Variants in ENPP2 observed in about 807,000 individuals in gnomAD.
ENPP2 encodes autotaxin.
In ENPP2, 51 loss-of-function variants were observed where a neutral mutation model predicts 120.2. That is an observed-to-expected ratio of 0.42 (90% CI 0.34 to 0.54). The LOEUF is 0.54. Among genes scored for constraint, ENPP2 ranks in the 20% least tolerant of loss-of-function variants. The pLI, the probability that ENPP2 is intolerant of heterozygous loss-of-function variation, is 0.04. For synonymous variants in ENPP2, 365 were observed against 366.4 expected (o/e 1.00, Z 0.04); for missense variants, 920 against 1,066.5 (o/e 0.86, Z 1.91).
At position 119,668,990 on chromosome 8, in the gene ENPP2, C is replaced by G. The variant is rs1587598764; in HGVS notation, c.21+4262G>C. Among the ~76,000 whole-genome samples the G allele has an allele frequency of 2.0e-5, 3 of 152,140 alleles. No individual in the cohort carries two copies. In the South Asian group the frequency reaches 6.2e-4, roughly 32 times the overall value. On this transcript the variant is annotated intron_variant, in intron 1 of 25. Transcript: ENST00000427067. ...GATCCATGCATAAGACTTTTTATAT[C>G]CATCTCTGCACACATACACCCCAAA...
intron 11 of ENPP2, among the ~76,000 whole-genome samples, chr8:119,600,093 G>T (rs1050712596): frequency 1.3e-5 from 2 of 151,606 alleles, no homozygotes; most frequent in African/African-American, 2.4e-5. Flanking sequence ...ATGTTACTTT[G>T]GGGGGGTGAT....
intron 1 of ENPP2, among the ~76,000 whole-genome samples, chr8:119,644,215 A>G (rs996723463): frequency 5.9e-5 from 9 of 152,080 alleles, no homozygotes; most frequent in Non-Finnish European, 5.9e-5. Flanking sequence ...GAGGGAGTCA[A>G]GAATGGATAT....
At chr8:119,638,578 T>G (rs750757339) in intron 1 of ENPP2, 51 bp from the exon 2 acceptor site, 1 of 1,173,630 alleles carries the variant, frequency 8.5e-7, no homozygotes, top group East Asian at 2.3e-5. Flanking sequence ...GAAGACTAAA[T>G]CAAATTACAC....
chr8:119,658,987 C>T (rs1489258291), intron 1 of ENPP2, among the ~76,000 whole-genome samples: 1 of 152,140 alleles, frequency 6.6e-6, no homozygotes, highest in Non-Finnish European at 1.5e-5. Flanking sequence ...CTGGGCCCTT[C>T]TACCTCCATC....
At chr8:119,575,365 C>A (rs1812261599) in intron 19 of ENPP2, among the ~76,000 whole-genome samples, 1 of 151,976 alleles carries the variant, frequency 6.6e-6, no homozygotes, top group Admixed American at 6.6e-5. Context: ...CCGGCAGGAA[C>A]TCTGCCCGAG....
intron 18 of ENPP2, among the ~76,000 whole-genome samples, chr8:119,581,671 C>A (rs1812746625): frequency 1.3e-5 from 2 of 152,092 alleles, no homozygotes; most frequent in South Asian, 4.2e-4. Context: ...CGTCACTCCT[C>A]ATTGAATTCC....
At chr8:119,589,853 A>G (rs1303582825) in intron 13 of ENPP2, among the ~76,000 whole-genome samples, 1 of 152,200 alleles carries the variant, frequency 6.6e-6, no homozygotes, top group Non-Finnish European at 1.5e-5. Context: ...GACAGCACCT[A>G]AAAATCTTAG....
chr8:119,588,528 CAAAAAAAAAAAAAAAA>C lies in ENPP2; in HGVS notation c.1208-1469_1208-1454del, dbSNP rs58771451. On this transcript the variant is annotated intron_variant, in intron 13 of 24. Transcript: ENST00000075322. ...TGGGCGACAGAACAAAACTCCGCCT[CAAAAAAAAAAAAAAAA>C]AAAAAAAAGAGCTTTGCAGGCACTT... Among the ~76,000 whole-genome samples, 432 of 68,206 alleles carry C rather than the reference CAAAAAAAAAAAAAAAA, an allele frequency of 6.3e-3. 3 individuals are homozygous for C. Among genetic ancestry groups the C allele is most frequent in the South Asian group, 0.039 (72 of 1,842 alleles). The allele number at this position is 68,206 out of a possible 152,430, so 44.7% of individuals were successfully genotyped here. A position where few individuals can be genotyped will look rare whatever the true frequency, so the allele number is the denominator to read the frequency against.
upstream of ENPP2, among the ~76,000 whole-genome samples, chr8:119,639,199 G>C (rs1817186234): frequency 3.3e-5 from 5 of 152,180 alleles, no homozygotes. Context: ...CTTTCCACCA[G>C]CTTTAAGCTT....
chr8:119,664,268 G>A (rs1289923066), intron 1 of ENPP2, among the ~76,000 whole-genome samples: 1 of 152,164 alleles, frequency 6.6e-6, no homozygotes, highest in Non-Finnish European at 1.5e-5. Flanking sequence ...TTAATTAAAA[G>A]AGCACAGTAT....
chr8:119,559,236 C>T (rs977673657), intron 24 of ENPP2, among the ~76,000 whole-genome samples: 4 of 152,088 alleles, frequency 2.6e-5, no homozygotes, highest in African/African-American at 9.7e-5. Context: ...TGGGTCAGGA[C>T]CCCCTCAGAG....
chr8:119,625,707 G>A (rs1816224363), intron 3 of ENPP2, among the ~76,000 whole-genome samples: 1 of 152,194 alleles, frequency 6.6e-6, no homozygotes, highest in Admixed American at 6.5e-5. Flanking sequence ...CAGAAGCATG[G>A]TGGATAGCTT....
intron 2 of ENPP2, among the ~76,000 whole-genome samples, chr8:119,627,417 C>T (rs1816354940): frequency 6.6e-6 from 1 of 151,952 alleles, no homozygotes; most frequent in Non-Finnish European, 1.5e-5. Flanking sequence ...TTGTAATATG[C>T]ACACAATATA....
intron 1 of ENPP2, among the ~76,000 whole-genome samples, chr8:119,671,465 G>A (rs898493297): frequency 2.6e-5 from 4 of 152,174 alleles, no homozygotes; most frequent in African/African-American, 9.7e-5. Flanking sequence ...GGAGACACAG[G>A]TATGTGTATG....
intron 1 of ENPP2, among the ~76,000 whole-genome samples, chr8:119,648,407 T>C (rs745552746): frequency 3.9e-5 from 6 of 152,206 alleles, no homozygotes; most frequent in Non-Finnish European, 7.3e-5. Flanking sequence ...TTTTTAACCT[T>C]ATGAGAAAAT....
chr8:119,636,548 C>T (rs919780295), intron 2 of ENPP2, among the ~76,000 whole-genome samples: 21 of 152,258 alleles, frequency 1.4e-4, no homozygotes, highest in Non-Finnish European at 2.9e-4. Flanking sequence ...ATTCAAGGAG[C>T]AAATTCGTGT....
chr8:119,662,580 A>C (rs888301258), intron 1 of ENPP2, among the ~76,000 whole-genome samples: 3 of 152,172 alleles, frequency 2.0e-5, no homozygotes, highest in East Asian at 3.9e-4. Context: ...ACAGATCTAC[A>C]TATTTCTATT....
chr8:119,605,465 T>TGTGTGTGTGTGTGTG (rs1434195692), intron 9 of ENPP2, among the ~76,000 whole-genome samples: 1 of 146,276 alleles, frequency 6.8e-6, no homozygotes, highest in African/African-American at 2.6e-5. Context: ...TGTGTGTGTG[T>TGTGTGTGTGTGTGTG]ATTTTTTTTT....
At chr8:119,648,009 A>G (rs1052608009) in intron 1 of ENPP2, among the ~76,000 whole-genome samples, 1 of 152,188 alleles carries the variant, frequency 6.6e-6, no homozygotes, top group African/African-American at 2.4e-5. Flanking sequence ...CCATCCCCAA[A>G]AAAAGAAAAG....
Sources: gnomAD v4.1 joint callset for allele counts (sites outside exome capture counted in the v4.1 genomes callset) on GRCh38, gnomAD v4.1.1 for gene constraint, MANE v1.5 for transcripts, NCBI Gene and HGNC (gene_info 2026-07-23, HGNC 2026-07-21) for gene names.